GRM8: variants seen among roughly 807,000 people sequenced by gnomAD.
The protein encoded by GRM8 is metabotropic glutamate receptor 8.
A neutral mutation model predicts 87.2 loss-of-function variants in GRM8; 47 were observed. The observed-to-expected ratio is 0.54, with a 90% CI of 0.43 to 0.69. The LOEUF is 0.69. Among genes scored for constraint, GRM8 ranks in the 30% least tolerant of loss-of-function variants. The pLI is 0.00. For missense variants in GRM8, 1,019 were observed against 1,139.2 expected (o/e 0.89, Z 1.52); for synonymous variants, 396 against 404.5 (o/e 0.98, Z 0.25).
chr7:126,733,239 T>C (rs544229891), intron 7 of GRM8, among the ~76,000 whole-genome samples: 2 of 152,164 alleles, frequency 1.3e-5, no homozygotes, highest in South Asian at 2.1e-4. Flanking sequence ...TTAAAGGACA[T>C]TTTAACACTA....
intron 7 of GRM8, among the ~76,000 whole-genome samples, chr7:126,693,529 A>T (rs7780253): frequency 0.67 from 102,472 of 151,878 alleles, 35,128 homozygotes; most frequent in African/African-American, 0.81. Flanking sequence ...ATTATAAGCA[A>T]CAATATTAAT....
At chr7:126,673,651 C>G (rs1806631477) in intron 7 of GRM8, among the ~76,000 whole-genome samples, 1 of 152,158 alleles carries the variant, frequency 6.6e-6, no homozygotes, top group African/African-American at 2.4e-5. Context: ...AAAGCAAGAT[C>G]ATGCTTATCA....
chr7:126,742,535 A>G (rs1815130035), intron 7 of GRM8, among the ~76,000 whole-genome samples: 2 of 151,868 alleles, frequency 1.3e-5, no homozygotes. Flanking sequence ...CCGCACAGCC[A>G]CCTCTCCTAC....
intron 2 of GRM8, chr7:127,111,082 C>A (rs1826301115): frequency 6.6e-6 from 1 of 152,154 alleles, no homozygotes; most frequent in South Asian, 2.1e-4. Context: ...AGAAGTGGGT[C>A]CCAAGGTTGA....
intron 6 of GRM8, among the ~76,000 whole-genome samples, chr7:126,898,411 T>A (rs13308835): frequency 9.8e-4 from 149 of 152,314 alleles, no homozygotes; most frequent in African/African-American, 3.3e-3. Context: ...GTTGCTTTTT[T>A]AAAAAATTAA....
Position 126,532,975 on chromosome 7 carries a change from C to CA in GRM8, c.2406dup (p.Gly803TrpfsTer73). ...ACCTTTTCTGCTGACTGGGCTGTAC[C>CA]AAAAAAGATGGGGATGAAAGCTAAC... On this transcript the variant is annotated frameshift_variant, in exon 9 of 11. Coordinates refer to ENST00000339582, the MANE Select transcript of GRM8 (RefSeq NM_000845.3). LOFTEE classifies it high-confidence loss of function. 6.2e-7 allele frequency: 1 copy of CA among 1,611,462 alleles called. No individual in the cohort carries two copies. The highest frequency in any genetic ancestry group is 1.1e-5 in the South Asian group (1 of 90,838).
At chr7:126,623,333 AC>A (rs1585261379) in intron 7 of GRM8, among the ~76,000 whole-genome samples, 2 of 152,174 alleles carry the variant, frequency 1.3e-5, no homozygotes, top group African/African-American at 2.4e-5. Context: ...ATTTTAATAT[AC>A]TTTATGTAAA....
At chr7:126,923,369 T>C (rs1006855637) in intron 3 of GRM8, among the ~76,000 whole-genome samples, 2 of 152,212 alleles carry the variant, frequency 1.3e-5, no homozygotes, top group East Asian at 1.9e-4. Context: ...CTGTCCCTAA[T>C]TGGTCTGATA....
chr7:127,088,918 C>T (rs1301444684), intron 3 of GRM8, among the ~76,000 whole-genome samples: 5 of 152,208 alleles, frequency 3.3e-5, no homozygotes, highest in Non-Finnish European at 7.3e-5. Context: ...ACTGTCACTT[C>T]TTGTACAGTG....
intron 10 of GRM8, among the ~76,000 whole-genome samples, chr7:126,440,176 G>A (rs1425973545): frequency 6.6e-6 from 1 of 151,792 alleles, no homozygotes; most frequent in Non-Finnish European, 1.5e-5. Flanking sequence ...CACTTTGGGA[G>A]GCCTAGGCAG....
chr7:126,469,659 T>G (rs866651695), intron 9 of GRM8, among the ~76,000 whole-genome samples: 4 of 152,162 alleles, frequency 2.6e-5, no homozygotes, highest in African/African-American at 9.7e-5. Flanking sequence ...AAGAAGGATG[T>G]GTTTATTTCT....
chr7:127,201,952 A>G (rs1795632740), intron 2 of GRM8, among the ~76,000 whole-genome samples: 1 of 152,194 alleles, frequency 6.6e-6, no homozygotes, highest in Non-Finnish European at 1.5e-5. Context: ...TACTCTACCC[A>G]CCTATGAACC....
intron 2 of GRM8, among the ~76,000 whole-genome samples, chr7:127,222,605 A>T (rs1354013590): frequency 6.6e-6 from 1 of 152,198 alleles, no homozygotes; most frequent in East Asian, 1.9e-4. Context: ...ATGAGTTTGC[A>T]CTGGTTTCTT....
chr7:126,741,502 G>A (rs1232275123), intron 7 of GRM8, among the ~76,000 whole-genome samples: 1 of 152,032 alleles, frequency 6.6e-6, no homozygotes. Flanking sequence ...TCTCCTCTCT[G>A]CTTACCCTGG....
chr7:126,694,412 T>C (rs1219799321), intron 7 of GRM8, among the ~76,000 whole-genome samples: 2 of 152,210 alleles, frequency 1.3e-5, no homozygotes, highest in East Asian at 3.8e-4. Context: ...AACTGTGAAA[T>C]AGAGTGTAAC....
chr7:126,714,304 A>ATAT (rs1811474850), intron 7 of GRM8, among the ~76,000 whole-genome samples: 1 of 147,654 alleles, frequency 6.8e-6, no homozygotes, highest in East Asian at 2.0e-4. Context: ...AATAATAATA[A>ATAT]TAATAATAAT....
At chr7:126,488,991 A>G (rs1807690430) in intron 9 of GRM8, among the ~76,000 whole-genome samples, 1 of 151,786 alleles carries the variant, frequency 6.6e-6, no homozygotes, top group Non-Finnish European at 1.5e-5. Context: ...AATATATTAT[A>G]GAATATCAAT....
intron 8 of GRM8, among the ~76,000 whole-genome samples, chr7:126,545,568 G>A (rs1817053849): frequency 1.3e-5 from 2 of 152,194 alleles, no homozygotes; most frequent in South Asian, 4.1e-4. Context: ...CTATTTTAAT[G>A]TGATATTTTT....
intron 2 of GRM8, among the ~76,000 whole-genome samples, chr7:127,220,470 A>G (rs1033230245): frequency 1.3e-5 from 2 of 152,192 alleles, no homozygotes; most frequent in Non-Finnish European, 2.9e-5. Flanking sequence ...CAGATGCTGA[A>G]CACATTCTTT....
Sources: allele counts gnomAD v4.1 joint callset (sites outside exome capture counted in the v4.1 genomes callset), GRCh38; gene constraint gnomAD v4.1.1; transcripts MANE v1.5; gene names NCBI Gene and HGNC (gene_info 2026-07-23, HGNC 2026-07-21).